PPP1R12B: variants seen among roughly 807,000 people sequenced by gnomAD.
PPP1R12B encodes protein phosphatase 1 regulatory subunit 12B.
Under a neutral mutation model 126.1 loss-of-function variants are expected in PPP1R12B, and 76 were observed. That is an observed-to-expected ratio of 0.60 (90% CI 0.50 to 0.73). PPP1R12B has a LOEUF of 0.73. Among genes scored for constraint, PPP1R12B ranks in the 30% least tolerant of loss-of-function variants. The pLI, the probability that PPP1R12B is intolerant of heterozygous loss-of-function variation, is 0.00. For synonymous variants in PPP1R12B, 356 were observed against 434.7 expected, an observed-to-expected ratio of 0.82 and a Z score of 2.25; for missense variants, 1,052 against 1,205.1, an observed-to-expected ratio of 0.87 and a Z score of 1.88.
At position 202,569,165 on chromosome 1, in the gene PPP1R12B, C is replaced by G. The variant is rs764825772; in HGVS notation, c.2830C>G (p.Arg944Gly). The change falls in exon 23 of 24, where the codon CGC (arginine) becomes GGC (glycine). Residue 944 changes from arginine to glycine, a missense_variant. By Grantham distance (125) the Arg-to-Gly change is moderately radical. Coordinates refer to ENST00000608999, the MANE Select transcript of PPP1R12B (RefSeq NM_002481.4). Reference sequence around the variant, plus strand: ...GAAACAGGAGAGGCGAGCCTTGGAGCGCAAAATGTCAGAAATGGAGGAAGA... The same window carrying G: ...GAAACAGGAGAGGCGAGCCTTGGAGGGCAAAATGTCAGAAATGGAGGAAGA... ...MEKRERRALE[R>G]KMSEMEEEMK... 4 of 1,613,450 alleles carry G rather than the reference C, an allele frequency of 2.5e-6. No individual in the cohort carries two copies. The highest frequency in any genetic ancestry group is 3.4e-6 in the Non-Finnish European group (4 of 1,179,556).
intron 1 of PPP1R12B, among the ~76,000 whole-genome samples, chr1:202,364,829 G>T (rs1367588223): frequency 1.3e-5 from 2 of 152,082 alleles, no homozygotes; most frequent in Non-Finnish European, 2.9e-5. Context: ...GCCCGCCTCG[G>T]CCTCCCAAAG....
intron 1 of PPP1R12B, among the ~76,000 whole-genome samples, chr1:202,399,642 A>G (rs1216947390): frequency 6.6e-6 from 1 of 151,788 alleles, no homozygotes; most frequent in African/African-American, 2.4e-5. Flanking sequence ...GACTACAGGT[A>G]CCCACCGCCA....
intron 1 of PPP1R12B, among the ~76,000 whole-genome samples, chr1:202,372,802 TAAAAG>T (rs1236928446): frequency 3.3e-5 from 5 of 151,968 alleles, no homozygotes; most frequent in Admixed American, 1.3e-4. Context: ...AAGTAAAAAA[TAAAAG>T]AAAAAAGAAA....
At chr1:202,410,647 G>A (rs1352760662) in intron 1 of PPP1R12B, among the ~76,000 whole-genome samples, 4 of 152,206 alleles carry the variant, frequency 2.6e-5, no homozygotes, top group Non-Finnish European at 5.9e-5. Flanking sequence ...ATCAGGTACA[G>A]TAGTGAGATC....
intron 23 of PPP1R12B, among the ~76,000 whole-genome samples, chr1:202,573,239 C>T (rs1301769377): frequency 1.3e-5 from 2 of 152,128 alleles, no homozygotes; most frequent in African/African-American, 4.8e-5. Flanking sequence ...GGCCAAGATG[C>T]TTACAGTGGG....
intron 18 of PPP1R12B, 37 bp from the exon 19 acceptor site, chr1:202,558,840 T>C: frequency 7.2e-7 from 1 of 1,381,304 alleles, no homozygotes; most frequent in South Asian, 1.2e-5. Flanking sequence ...CTTTTCTTTT[T>C]TCTTTTTTTG....
Position 202,449,188 on chromosome 1 carries a change from A to G in PPP1R12B, c.1850+17A>G. On this transcript the variant is annotated intron_variant, in intron 13 of 23. Transcript: ENST00000608999. ...GAAGAGGAGGTATGTTGAGTTACTG[A>G]TTTCATTTGTGGGGCTCTGCTTTGA... The G allele has an allele frequency of 1.3e-6, 2 of 1,576,824 alleles. No individual in the cohort carries two copies. The highest frequency in any genetic ancestry group is 1.7e-4 in the Middle Eastern group (1 of 6,020).
intron 18 of PPP1R12B, among the ~76,000 whole-genome samples, chr1:202,526,491 G>A (rs1433594126): frequency 6.6e-6 from 1 of 152,146 alleles, no homozygotes; most frequent in Admixed American, 6.5e-5. Context: ...TTGCACAGGT[G>A]CGGGTGTGGA....
intron 18 of PPP1R12B, among the ~76,000 whole-genome samples, chr1:202,518,707 TTTTC>T (rs1166861409): frequency 6.6e-6 from 1 of 152,230 alleles, no homozygotes; most frequent in African/African-American, 2.4e-5. Context: ...ATTTCCCAAA[TTTTC>T]TTTAATGAGG....
chr1:202,434,569 A>G lies in PPP1R12B; in HGVS notation c.1142-87A>G, dbSNP rs984615173. 9.5e-5 allele frequency: 142 copies of G among 1,498,330 alleles called. 1 individual carries two copies. Among genetic ancestry groups the G allele is most frequent in the Non-Finnish European group, 1.2e-4 (139 of 1,125,172 alleles). 92.8% of individuals were successfully genotyped at this position (1,498,330 alleles called of 1,614,324 possible). A position where few individuals can be genotyped will look rare whatever the true frequency, so the allele number is the denominator to read the frequency against. On this transcript the variant is annotated intron_variant, in intron 8 of 23. Transcript: ENST00000608999. ...TAATAATCTGTTTTGATAATGGGCA[A>G]ATCTTTTCTATTAGCAGAAAAGGAC... is the stretch of plus-strand genomic sequence containing the variant.
intron 12 of PPP1R12B, among the ~76,000 whole-genome samples, chr1:202,447,254 T>C (rs1356528055): frequency 5.9e-5 from 9 of 152,216 alleles, no homozygotes; most frequent in African/African-American, 2.2e-4. Context: ...AGTATTATTT[T>C]ATAGACGAGG....
rs112109366 is a variant in PPP1R12B at position 202,580,670 on chromosome 1, C to T, written c.*110C>T. 1,533 of 877,516 alleles carry T rather than the reference C, an allele frequency of 1.7e-3. 5 individuals are homozygous for T. Among genetic ancestry groups the T allele is most frequent in the Non-Finnish European group, 2.4e-3 (1,258 of 535,022 alleles). 54.4% of individuals were successfully genotyped at this position (877,516 alleles called of 1,614,324 possible). ...AGAAATGGATGTTTTGGTGGAAGGA[C>T]ACTTCTTTCTATCACCCTCTTCAGT... On this transcript the variant is annotated 3_prime_UTR_variant, in exon 24 of 24. Coordinates refer to ENST00000608999, the MANE Select transcript of PPP1R12B (RefSeq NM_002481.4).
chr1:202,574,990 C>T (rs1362080513), intron 23 of PPP1R12B: 2 of 1,597,426 alleles, frequency 1.3e-6, no homozygotes, highest in Non-Finnish European at 1.7e-6. Context: ...TTTCATGTCT[C>T]AATCTCTACA....
intron 1 of PPP1R12B, among the ~76,000 whole-genome samples, chr1:202,394,270 G>A (rs1295520845): frequency 6.6e-6 from 1 of 151,804 alleles, no homozygotes; most frequent in Admixed American, 6.6e-5. Flanking sequence ...ATACCACTGC[G>A]CTCCAGTCTG....
chr1:202,504,398 A>G (rs1257681011), intron 18 of PPP1R12B, among the ~76,000 whole-genome samples: 5 of 152,164 alleles, frequency 3.3e-5, no homozygotes, highest in Admixed American at 2.6e-4. Context: ...GTCCCCCCCA[A>G]AAAAAGAAGA....
chr1:202,519,612 G>A (rs1682551088), intron 18 of PPP1R12B, among the ~76,000 whole-genome samples: 1 of 152,090 alleles, frequency 6.6e-6, no homozygotes, highest in African/African-American at 2.4e-5. Flanking sequence ...CTTCCATTTA[G>A]TGGAACTCCA....
In PPP1R12B at chr1:202,456,004, C is replaced by T. The variant is rs1430079609; in HGVS notation, c.1850+6833C>T. On this transcript the variant is annotated intron_variant, in intron 13 of 23. Transcript: ENST00000608999. ...ATGATCTTGGCCAGGCACGGTGACT[C>T]ATGTCTGTAATCCCAGCACTTTGGG... 2.6e-5 allele frequency among the ~76,000 whole-genome samples: 4 copies of T among 152,172 alleles called. No homozygotes were observed. In the South Asian group the frequency reaches 6.2e-4, roughly 24 times the overall value.
At chr1:202,506,158 C>G (rs575037525) in intron 18 of PPP1R12B, among the ~76,000 whole-genome samples, 3 of 152,196 alleles carry the variant, frequency 2.0e-5, no homozygotes, top group Non-Finnish European at 4.4e-5. Context: ...GCCTGTTATC[C>G]AGCATGCACT....
chr1:202,401,742 G>A (rs1223225351), intron 1 of PPP1R12B, among the ~76,000 whole-genome samples: 1 of 152,118 alleles, frequency 6.6e-6, no homozygotes, highest in Non-Finnish European at 1.5e-5. Context: ...AGATTAGGAT[G>A]GGCTGTGACA....
Sources: allele counts gnomAD v4.1 joint callset (sites outside exome capture counted in the v4.1 genomes callset), GRCh38; gene constraint gnomAD v4.1.1; transcripts MANE v1.5; gene names NCBI Gene and HGNC (gene_info 2026-07-23, HGNC 2026-07-21).